RRBP1: variants seen among roughly 807,000 people sequenced by gnomAD.
RRBP1 encodes ribosome-binding protein 1.
In RRBP1, 94 loss-of-function variants were observed where a neutral mutation model predicts 165.2. That is an observed-to-expected ratio of 0.57 (90% CI 0.48 to 0.68). The LOEUF (loss-of-function observed/expected upper bound fraction) is 0.68. Among genes scored for constraint, RRBP1 ranks in the 30% least tolerant of loss-of-function variants. The probability of loss-of-function intolerance (pLI) is 0.00; values close to 1 mark genes in which losing one functional copy is unlikely to be tolerated. For missense variants in RRBP1, 1,676 were observed against 1,763.0 expected (o/e 0.95, Z 0.88); for synonymous variants, 680 against 714.5 (o/e 0.95, Z 0.77).
chr20:17,639,243 A>G (rs996756034), intron 5 of RRBP1, among the ~76,000 whole-genome samples: 1 of 152,184 alleles, frequency 6.6e-6, no homozygotes, highest in Non-Finnish European at 1.5e-5. Flanking sequence ...TGAGCCCATC[A>G]ACTCCTGCAG....
chr20:17,638,478 C>T (rs960273804), intron 5 of RRBP1, among the ~76,000 whole-genome samples: 1 of 152,180 alleles, frequency 6.6e-6, no homozygotes, highest in Non-Finnish European at 1.5e-5. Flanking sequence ...TCTGCAGACC[C>T]CTATCTCCTG....
chr20:17,659,988 G>T lies in RRBP1; in HGVS notation c.520C>A (p.Pro174Thr), dbSNP rs747236039. ...ACCACCACCATCGGCACCTCCTTGG[G>T]AGCAGTTTCCAAGATGGCAGCCTTC... ...TSKAAILETA[P>T]KEVPMVVVPP... Residue 174 changes from proline to threonine, a missense_variant, in exon 3 of 25, where the codon CCC becomes ACC. This residue lies in a region of RRBP1 where 392 missense variants were observed against 382.5 expected (regional missense o/e 1.02). Transcript: ENST00000377813. 1 of 1,610,528 alleles carries T rather than the reference G, an allele frequency of 6.2e-7. No homozygotes were observed. The highest frequency in any genetic ancestry group is 8.5e-7 in the Non-Finnish European group (1 of 1,178,194).
chr20:17,681,970 G>C (rs1418876125), intron 1 of RRBP1, 58 bp downstream of exon 1: 1 of 148,320 alleles, frequency 6.7e-6, no homozygotes, highest in African/African-American at 2.4e-5. Flanking sequence ...GGCCGGCCCC[G>C]GCCCCCCGAC....
chr20:17,662,140 GT>G (rs1377826684), intron 2 of RRBP1, among the ~76,000 whole-genome samples: 1 of 152,094 alleles, frequency 6.6e-6, no homozygotes, highest in Non-Finnish European at 1.5e-5. Flanking sequence ...GCGGGTGCCT[GT>G]AGTCCAGGCT....
intron 7 of RRBP1, among the ~76,000 whole-genome samples, chr20:17,633,935 A>G (rs1025593986): frequency 1.3e-5 from 2 of 152,222 alleles, no homozygotes; most frequent in Non-Finnish European, 2.9e-5. Flanking sequence ...ACCAGCCTTG[A>G]GATGAAGATC....
At chr20:17,640,111 C>T (rs760689011) in intron 5 of RRBP1, among the ~76,000 whole-genome samples, 3 of 152,150 alleles carry the variant, frequency 2.0e-5, no homozygotes, top group Non-Finnish European at 4.4e-5. Context: ...TGATCACTGG[C>T]GGCCTGCTAG....
Position 17,660,162 on chromosome 20 carries a change from T to TG in RRBP1, c.345dup (p.Ile116HisfsTer98). ...ACTGTGGCGACAGGAGCAACGATAATGGGGGGCTGCACTGGGGTTGGAGCC... is the reference window on the plus strand; with the variant it reads ...ACTGTGGCGACAGGAGCAACGATAATGGGGGGGCTGCACTGGGGTTGGAGCC... On this transcript the variant is annotated frameshift_variant, in exon 3 of 25. Coordinates refer to ENST00000377813, the MANE Select transcript of RRBP1 (RefSeq NM_001365613.2). LOFTEE classifies it high-confidence loss of function. 3 of 1,613,994 alleles carry TG rather than the reference T, an allele frequency of 1.9e-6. No homozygotes were observed. Among genetic ancestry groups the TG allele is most frequent in the Non-Finnish European group, 2.5e-6 (3 of 1,179,990 alleles).
chr20:17,632,266 G>A (rs951724335), intron 8 of RRBP1, among the ~76,000 whole-genome samples: 10 of 152,200 alleles, frequency 6.6e-5, no homozygotes, highest in African/African-American at 2.4e-4. Context: ...TGAGTCTGGA[G>A]AGGACAGGAG....
In RRBP1 at chr20:17,627,365, A is replaced by G. The variant is rs2036046317; in HGVS notation, c.2946T>C (p.Ala982=). Reference sequence around the variant, plus strand: ...CAGCTTACCGAGTCTGCTGCTGGTCAGCCTCCGCCTGGCTGGCCTGGAATG... The same window carrying G: ...CAGCTTACCGAGTCTGCTGCTGGTCGGCCTCCGCCTGGCTGGCCTGGAATG... The part of the protein sequence containing the change: ...AQDVQASQAE[A]DQQQTRLKEL... The change falls in exon 11 of 25, where the codon GCT becomes GCC. Residue 982 remains alanine, a synonymous_variant. Transcript: ENST00000377813. The G allele has an allele frequency of 2.5e-6, 4 of 1,613,820 alleles. No individual in the cohort carries two copies. Among genetic ancestry groups the G allele is most frequent in the Non-Finnish European group, 3.4e-6 (4 of 1,179,966 alleles).
chr20:17,659,809 CTCTG>C lies in RRBP1; in HGVS notation c.695_698del (p.Thr232ArgfsTer40), dbSNP rs1568782682. The C allele has an allele frequency of 7.7e-6, 12 of 1,550,366 alleles. No individual in the cohort carries two copies. The highest frequency in any genetic ancestry group is 1.2e-5 in the South Asian group (1 of 84,020). On this transcript the variant is annotated frameshift_variant, in exon 3 of 25. Transcript: ENST00000377813. LOFTEE classifies it high-confidence loss of function. ...CCTTTTTCCCTTGGTTTGGGGTTCC[CTCTG>C]TCTTTTTGCCCTGGTTTGGGGTTCC...
At chr20:17,623,617 T>C (rs2035956677) in intron 13 of RRBP1, among the ~76,000 whole-genome samples, 1 of 152,116 alleles carries the variant, frequency 6.6e-6, no homozygotes, top group Non-Finnish European at 1.5e-5. Flanking sequence ...GCAAACAATG[T>C]CCTCCCCTCT....
At chr20:17,620,155 C>T (rs2035882092) in intron 18 of RRBP1, 144 bp downstream of exon 18, 1 of 699,640 alleles carries the variant, frequency 1.4e-6, no homozygotes, top group South Asian at 1.7e-5. Flanking sequence ...ACAGGATGGA[C>T]AAGATCCCTT....
intron 13 of RRBP1, among the ~76,000 whole-genome samples, chr20:17,623,589 G>A (rs528276580): frequency 6.6e-6 from 1 of 152,326 alleles, no homozygotes; most frequent in African/African-American, 2.4e-5. Flanking sequence ...CGCGGCCTCT[G>A]TTCCCCGAGT....
At chr20:17,672,636 C>A (rs1334864058) in intron 2 of RRBP1, among the ~76,000 whole-genome samples, 1 of 152,190 alleles carries the variant, frequency 6.6e-6, no homozygotes, top group Non-Finnish European at 1.5e-5. Flanking sequence ...AGCCGAGCAC[C>A]TACCTCCTTC....
At chr20:17,657,296 TA>T (rs2036661557) in intron 3 of RRBP1, among the ~76,000 whole-genome samples, 1 of 152,194 alleles carries the variant, frequency 6.6e-6, no homozygotes, top group Non-Finnish European at 1.5e-5. Context: ...CACAGGAGCC[TA>T]CAGCCGCTCA....
At chr20:17,660,780 C>T (rs2036751271) in intron 2 of RRBP1, among the ~76,000 whole-genome samples, 1 of 152,210 alleles carries the variant, frequency 6.6e-6, no homozygotes, top group Non-Finnish European at 1.5e-5. Context: ...GAGTGGAGGC[C>T]TATCTCTGGA....
Position 17,658,690 on chromosome 20 carries a change from C to G in RRBP1, c.1818G>C (p.Gln606His). 6.2e-7 allele frequency: 1 copy of G among 1,614,248 alleles called. No homozygotes were observed. Among genetic ancestry groups the G allele is most frequent in the South Asian group, 1.1e-5 (1 of 91,090 alleles). Residue 606 changes from glutamine (Q) to histidine (H), a missense_variant, in exon 3 of 25, where the codon CAG (glutamine) becomes CAC (histidine). By Grantham distance (24) the Gln-to-His change is conservative (BLOSUM62 0). Transcript: ENST00000377813. ...TCTGGGCCACATCTGTATTTCTGCCCTGGACAGAAGCTGACTCTGTCTTTT... is the reference window on the plus strand; with the variant it reads ...TCTGGGCCACATCTGTATTTCTGCCGTGGACAGAAGCTGACTCTGTCTTTT... ...QGKKTESASV[Q>H]GRNTDVAQSP...
At chr20:17,669,444 A>G (rs952477413) in intron 2 of RRBP1, among the ~76,000 whole-genome samples, 6 of 152,358 alleles carry the variant, frequency 3.9e-5, no homozygotes, top group African/African-American at 1.4e-4. Flanking sequence ...GCTAGCCCAC[A>G]AGGGAGTTCT....
At chr20:17,627,309 G>T in intron 11 of RRBP1, 39 bp downstream of exon 11, 1 of 1,608,900 alleles carries the variant, frequency 6.2e-7, no homozygotes. Context: ...CCCCCGGGCT[G>T]AGGCTCAAGT....
Sources: allele counts gnomAD v4.1 joint callset (sites outside exome capture counted in the v4.1 genomes callset), GRCh38; gene constraint gnomAD v4.1.1; regional missense constraint gnomAD v4.1.1; transcripts MANE v1.5; gene names NCBI Gene and HGNC (gene_info 2026-07-23, HGNC 2026-07-21).